CAMK1D: variants seen among roughly 807,000 people sequenced by gnomAD.
The protein encoded by CAMK1D is calcium/calmodulin dependent protein kinase ID.
In CAMK1D, 9 loss-of-function variants were observed where a neutral mutation model predicts 47.7. The ratio of observed to expected loss-of-function variants is 0.19; its 90% CI spans 0.11 to 0.33. The LOEUF is 0.33. Among genes scored for constraint, CAMK1D ranks in the 10% least tolerant of loss-of-function variants. The pLI, the probability that CAMK1D is intolerant of heterozygous loss-of-function variation, is 1.00. For missense variants in CAMK1D, 291 were observed against 488.7 expected (o/e 0.60, Z 3.81); for synonymous variants, 184 against 184.9 (o/e 0.99, Z 0.04).
intron 10 of CAMK1D, 104 bp from the exon 11 acceptor site, chr10:12,828,665 C>CCA (rs1328742700): frequency 2.4e-6 from 2 of 827,196 alleles, no homozygotes; most frequent in South Asian, 1.5e-5. Flanking sequence ...ATTGGGCCCC[C>CCA]CCGCCCCCCA....
intron 2 of CAMK1D, among the ~76,000 whole-genome samples, chr10:12,666,346 T>C (rs1840430247): frequency 6.6e-6 from 1 of 152,110 alleles, no homozygotes; most frequent in Non-Finnish European, 1.5e-5. Flanking sequence ...TAGATTTTCA[T>C]ATAATTAAGT....
At chr10:12,765,563 G>T (rs1209800022) in intron 4 of CAMK1D, among the ~76,000 whole-genome samples, 1 of 152,198 alleles carries the variant, frequency 6.6e-6, no homozygotes, top group East Asian at 1.9e-4. Context: ...TGCTGAATCA[G>T]TTGAGCTGAA....
intron 1 of CAMK1D, among the ~76,000 whole-genome samples, chr10:12,414,316 T>C (rs527698051): frequency 9.5e-4 from 144 of 152,346 alleles, no homozygotes; most frequent in African/African-American, 3.2e-3. Flanking sequence ...TGGTATCTTG[T>C]AGTAAAGTGA....
intron 1 of CAMK1D, among the ~76,000 whole-genome samples, chr10:12,552,521 A>G (rs893173053): frequency 6.6e-6 from 1 of 152,068 alleles, no homozygotes; most frequent in South Asian, 2.1e-4. Flanking sequence ...GTGACTTTCT[A>G]GTCTGTTTGG....
At chr10:12,399,663 G>A (rs1036964330) in intron 1 of CAMK1D, among the ~76,000 whole-genome samples, 2 of 152,148 alleles carry the variant, frequency 1.3e-5, no homozygotes, top group Non-Finnish European at 2.9e-5. Context: ...ACAAACTATA[G>A]TGCTTCCACA....
At chr10:12,720,354 G>A (rs1292886792) in intron 3 of CAMK1D, among the ~76,000 whole-genome samples, 1 of 152,182 alleles carries the variant, frequency 6.6e-6, no homozygotes, top group Non-Finnish European at 1.5e-5. Flanking sequence ...TGTGCCTCTT[G>A]GTCTTAGGCC....
intron 3 of CAMK1D, among the ~76,000 whole-genome samples, chr10:12,758,948 C>T (rs1346360101): frequency 6.6e-6 from 1 of 152,192 alleles, no homozygotes; most frequent in African/African-American, 2.4e-5. Context: ...TCGTAACAGA[C>T]GTTCCGCCTT....
At chr10:12,761,787 G>A (rs1249636400) in intron 4 of CAMK1D, among the ~76,000 whole-genome samples, 11 of 152,218 alleles carry the variant, frequency 7.2e-5, no homozygotes, top group African/African-American at 2.4e-4. Flanking sequence ...ACAGGAAGCC[G>A]AGGCAGGAGA....
At chr10:12,366,524 T>G (rs1837839808) in intron 1 of CAMK1D, among the ~76,000 whole-genome samples, 1 of 151,150 alleles carries the variant, frequency 6.6e-6, no homozygotes, top group Non-Finnish European at 1.5e-5. Context: ...CCAGGCCTGG[T>G]AGCGCATGCC....
chr10:12,542,094 G>C (rs1042303987), intron 1 of CAMK1D, among the ~76,000 whole-genome samples: 2 of 151,618 alleles, frequency 1.3e-5, no homozygotes, highest in Non-Finnish European at 2.9e-5. Flanking sequence ...GGCCAGGCTG[G>C]TCTGGAACTC....
intron 1 of CAMK1D, among the ~76,000 whole-genome samples, chr10:12,500,180 C>T (rs7098679): frequency 0.3 from 45,270 of 151,560 alleles, 7,222 homozygotes; most frequent in East Asian, 0.39. Context: ...GCAAGAGAAT[C>T]GCTTGAACCT....
At chr10:12,724,520 A>G (rs1039965252) in intron 3 of CAMK1D, among the ~76,000 whole-genome samples, 7 of 152,244 alleles carry the variant, frequency 4.6e-5, no homozygotes, top group African/African-American at 1.7e-4. Context: ...ATCTTCTGGT[A>G]TAAAAAATGG....
At chr10:12,380,708 T>A (rs1311962882) in intron 1 of CAMK1D, among the ~76,000 whole-genome samples, 1 of 152,002 alleles carries the variant, frequency 6.6e-6, no homozygotes, top group Non-Finnish European at 1.5e-5. Context: ...CACAAAAAAT[T>A]AGCCAGGCAT....
intron 1 of CAMK1D, among the ~76,000 whole-genome samples, chr10:12,430,665 G>A (rs531304358): frequency 6.6e-6 from 1 of 152,296 alleles, no homozygotes; most frequent in South Asian, 2.1e-4. Flanking sequence ...GAATCCACGT[G>A]CCGAGTATTG....
intron 3 of CAMK1D, among the ~76,000 whole-genome samples, chr10:12,711,324 AC>A (rs1284380710): frequency 6.6e-6 from 1 of 152,152 alleles, no homozygotes; most frequent in African/African-American, 2.4e-5. Flanking sequence ...GAGAAACTGA[AC>A]CTTGCTTTAG....
At chr10:12,402,162 G>C (rs1290806078) in intron 1 of CAMK1D, among the ~76,000 whole-genome samples, 1 of 151,462 alleles carries the variant, frequency 6.6e-6, no homozygotes, top group Non-Finnish European at 1.5e-5. Context: ...GGCTGGTCTC[G>C]AACTCCTGAC....
chr10:12,551,879 G>A (rs1205802351), intron 1 of CAMK1D, among the ~76,000 whole-genome samples: 1 of 152,248 alleles, frequency 6.6e-6, no homozygotes, highest in African/African-American at 2.4e-5. Flanking sequence ...TTGGACTGAA[G>A]AAGGTAGGGC....
rs369478542 is a variant in CAMK1D at position 12,349,784 on chromosome 10, C to G, written c.-35C>G. 1 of 1,222,566 alleles carries G rather than the reference C, an allele frequency of 8.2e-7. No individual in the cohort carries two copies. Among genetic ancestry groups the G allele is most frequent in the African/African-American group, 1.6e-5 (1 of 62,850 alleles). The allele number at this position is 1,222,566 out of a possible 1,614,324, so 75.7% of individuals were successfully genotyped here. A position where few individuals can be genotyped will look rare whatever the true frequency, so the allele number is the denominator to read the frequency against. ...CCCCCGGCGCCCCCTCCCCAGCGCG[C>G]CCCCGGCCGCTCCTCCGCGCCGCGC... is the stretch of plus-strand genomic sequence containing the variant. On this transcript the variant is annotated 5_prime_UTR_variant, in exon 1 of 11. Transcript: ENST00000619168.
chr10:12,780,487 A>G (rs144613821), intron 5 of CAMK1D, among the ~76,000 whole-genome samples: 1,538 of 152,276 alleles, frequency 0.01, 31 homozygotes, highest in African/African-American at 0.035. Context: ...CTACGTGTCA[A>G]GGATACTGGC....
Sources: gnomAD v4.1 joint callset for allele counts (sites outside exome capture counted in the v4.1 genomes callset) on GRCh38, gnomAD v4.1.1 for gene constraint, MANE v1.5 for transcripts, NCBI Gene and HGNC (gene_info 2026-07-23, HGNC 2026-07-21) for gene names.